ZCCHC2: variants seen among roughly 807,000 people sequenced by gnomAD.
The protein encoded by ZCCHC2 is zinc finger CCHC domain-containing protein 2.
Under a neutral mutation model 103.6 loss-of-function variants are expected in ZCCHC2, and 39 were observed. The ratio of observed to expected loss-of-function variants is 0.38; its 90% confidence interval spans 0.29 to 0.49. The LOEUF (loss-of-function observed/expected upper bound fraction) is 0.49. Among genes scored for constraint, ZCCHC2 ranks in the 20% least tolerant of loss-of-function variants. The probability of loss-of-function intolerance (pLI) is 0.96; values close to 1 mark genes in which losing one functional copy is unlikely to be tolerated. For missense variants in ZCCHC2, 1,483 were observed against 1,491.0 expected (o/e 0.99, Z 0.09); for synonymous variants, 687 against 608.9 (o/e 1.13, Z -1.89).
intron 4 of ZCCHC2, among the ~76,000 whole-genome samples, chr18:62,547,237 A>C (rs1472668563): frequency 7.2e-5 from 11 of 151,936 alleles, no homozygotes. Context: ...GAGGCAGAGA[A>C]TCACTTGAAC....
At chr18:62,540,854 C>T (rs540974812) in intron 2 of ZCCHC2, among the ~76,000 whole-genome samples, 5 of 152,148 alleles carry the variant, frequency 3.3e-5, no homozygotes, top group Non-Finnish European at 5.9e-5. Context: ...CATTCCTCAT[C>T]ACATACTCCT....
Position 62,534,619 on chromosome 18 carries a change from T to G in ZCCHC2, c.940-5062T>G, listed in dbSNP as rs373729234. On this transcript the variant is annotated intron_variant, in intron 1 of 13. Coordinates refer to ENST00000269499, the MANE Select transcript of ZCCHC2 (RefSeq NM_017742.6). ...GCTCTATAACATAAATGTTGGGGAA[T>G]TTTTATGTTTCTTGTTAGAAATGTC... is the stretch of plus-strand genomic sequence containing the variant. Among the ~76,000 whole-genome samples the G allele has an allele frequency of 1.7e-4, 26 of 152,338 alleles. 1 individual carries two copies. In the South Asian group the frequency reaches 5.4e-3, roughly 32 times the overall value.
chr18:62,524,560 C>T, intron 1 of ZCCHC2, 197 bp downstream of exon 1: 1 of 796,950 alleles, frequency 1.3e-6, no homozygotes. Context: ...CACCCCACCC[C>T]ACACCCCGGC....
At position 62,575,291 on chromosome 18, in the gene ZCCHC2, A is replaced by G. The variant is rs781634305; in HGVS notation, c.3210A>G (p.Gln1070=). 1.9e-5 allele frequency: 31 copies of G among 1,613,910 alleles called. No individual in the cohort carries two copies. Among genetic ancestry groups the G allele is most frequent in the Non-Finnish European group, 2.5e-5 (30 of 1,179,862 alleles). Residue 1070 remains glutamine (Q), a synonymous_variant, in exon 13 of 14, where the codon CAA becomes CAG. Transcript: ENST00000269499. ...LNQAHQSNGN[Q]LPFFLPQTPY... is the part of the protein sequence containing the mutation. ...AAGCACATCAGAGCAATGGAAACCA[A>G]CTTCCTTTTTTTCTGCCTCAGACTC...
chr18:62,523,375 G>GGCGGGGC lies in ZCCHC2; in HGVS notation c.-48_-47insGGGGCGC. On this transcript the variant is annotated 5_prime_UTR_variant, in exon 1 of 14. Transcript: ENST00000269499. The stretch of plus-strand genomic sequence containing the variant: ...CGCCTCGGCCCGTGCTCCACCTCGC[G>GGCGGGGC]GCCCCTCCCGCCCGCCCCCGCTCGC... 1 of 1,009,538 alleles carries GGCGGGGC rather than the reference G, an allele frequency of 9.9e-7. No homozygotes were observed. The highest frequency in any genetic ancestry group is 1.2e-6 in the Non-Finnish European group (1 of 847,970). 62.5% of individuals were successfully genotyped at this position (1,009,538 alleles called of 1,614,324 possible).
At chr18:62,583,778 T>C (rs911429947) in intron 14 of ZCCHC2, among the ~76,000 whole-genome samples, 2 of 151,880 alleles carry the variant, frequency 1.3e-5, no homozygotes, top group African/African-American at 4.8e-5. Context: ...CCTGGAAACG[T>C]AGTCACGACA....
intron 1 of ZCCHC2, chr18:62,525,317 TGAG>T (rs929007008): frequency 7.4e-6 from 1 of 135,900 alleles, no homozygotes; most frequent in African/African-American, 3.0e-5. Context: ...AGTGAGTCTT[TGAG>T]GAGGACTTTT....
chr18:62,524,569 G>A, intron 1 of ZCCHC2: 2 of 686,516 alleles, frequency 2.9e-6, no homozygotes, highest in South Asian at 5.1e-5. Context: ...CCACACCCCG[G>A]CAGACACAGC....
chr18:62,541,357 T>TC (rs34140965), intron 2 of ZCCHC2, among the ~76,000 whole-genome samples: 1 of 152,210 alleles, frequency 6.6e-6, no homozygotes, highest in South Asian at 2.1e-4. Context: ...AAGTGTCTTT[T>TC]CCCCTGTGTA....
Position 62,523,437 on chromosome 18 carries a change from A to G in ZCCHC2, c.13A>G (p.Lys5Glu). ...GCCCTAGCCGAGGATGCTGAGGATG[A>G]AGCTGCCGCTGAAGCCAACGCACCC... Reference protein sequence around the residue: MLRMKLPLKPTHPAE... With the variant: MLRMELPLKPTHPAE... The change falls in exon 1 of 14, where the codon AAG becomes GAG. Residue 5 changes from lysine to glutamate, a missense_variant. Transcript: ENST00000269499. 1.8e-6 allele frequency: 2 copies of G among 1,085,046 alleles called. No individual in the cohort carries two copies. The highest frequency in any genetic ancestry group is 2.3e-6 in the Non-Finnish European group (2 of 885,146). The allele number at this position is 1,085,046 out of a possible 1,614,324, so 67.2% of individuals were successfully genotyped here. A position where few individuals can be genotyped will look rare whatever the true frequency, so the allele number is the denominator to read the frequency against.
Position 62,523,797 on chromosome 18 carries a change from C to A in ZCCHC2, c.373C>A (p.Leu125Met), listed in dbSNP as rs1243702741. 2 of 1,542,096 alleles carry A rather than the reference C, an allele frequency of 1.3e-6. No individual in the cohort carries two copies. The highest frequency in any genetic ancestry group is 8.7e-7 in the Non-Finnish European group (1 of 1,146,174). The part of the protein sequence containing the change: ...MCGLLDLCNP[L>M]ELRFLGSCLE... The stretch of plus-strand genomic sequence containing the variant: ...CGGGCTGCTGGACCTGTGCAACCCG[C>A]TGGAGCTGCGCTTCCTTGGCTCGTG... Residue 125 changes from leucine (L) to methionine (M), a missense_variant, in exon 1 of 14, where the codon CTG becomes ATG. Physicochemically the swap from Leu to Met is conservative, Grantham distance 15. This residue lies in a region of ZCCHC2 where 568 missense variants were observed against 525.1 expected (regional missense o/e 1.08). Transcript: ENST00000269499.
At chr18:62,547,873 T>A (rs1915488401) in intron 4 of ZCCHC2, among the ~76,000 whole-genome samples, 1 of 152,130 alleles carries the variant, frequency 6.6e-6, no homozygotes, top group Admixed American at 6.5e-5. Context: ...CCCCTGTTTT[T>A]TTCTTCTTAG....
chr18:62,573,692 A>C (rs764582902), intron 12 of ZCCHC2, among the ~76,000 whole-genome samples: 1 of 152,218 alleles, frequency 6.6e-6, no homozygotes, highest in Non-Finnish European at 1.5e-5. Context: ...TTGGGTTGGC[A>C]GTGCAGAATA....
Position 62,556,291 on chromosome 18 carries a change from A to T in ZCCHC2, c.1402A>T (p.Ser468Cys). ...GTCCATATCATCAGACTCCCTACAC[A>T]GTATCAGTAAGCATCCTCTGTCCCT... ...FQSISSDSLH[S>C]INNLQSSLKT... The change falls in exon 6 of 14, where the codon AGT becomes TGT. Residue 468 changes from serine (S) to cysteine (C), a missense_variant. Ser to Cys is a moderately radical substitution (Grantham distance 112, BLOSUM62 -1). This residue lies in a region of ZCCHC2 where 884 missense variants were observed against 907.5 expected (regional missense o/e 0.97). Coordinates refer to ENST00000269499, the MANE Select transcript of ZCCHC2 (RefSeq NM_017742.6). 6.3e-7 allele frequency: 1 copy of T among 1,593,478 alleles called. No individual in the cohort carries two copies. Among genetic ancestry groups the T allele is most frequent in the Non-Finnish European group, 8.6e-7 (1 of 1,168,912 alleles).
chr18:62,559,654 A>G (rs1916034389), intron 7 of ZCCHC2, among the ~76,000 whole-genome samples: 1 of 152,242 alleles, frequency 6.6e-6, no homozygotes, highest in Admixed American at 6.5e-5. Context: ...GCAAAAGGGG[A>G]CATGGGCCCG....
chr18:62,571,642 T>C (rs1916602777), intron 12 of ZCCHC2, among the ~76,000 whole-genome samples: 3 of 152,238 alleles, frequency 2.0e-5, no homozygotes, highest in Admixed American at 2.0e-4. Flanking sequence ...AGGATGTCAT[T>C]CTTTATGCAT....
intron 13 of ZCCHC2, among the ~76,000 whole-genome samples, chr18:62,575,862 A>T (rs145758989): frequency 6.6e-6 from 1 of 151,508 alleles, no homozygotes; most frequent in Non-Finnish European, 1.5e-5. Context: ...TTTTTTTTTT[A>T]AGCTACAATC....
intron 1 of ZCCHC2, among the ~76,000 whole-genome samples, chr18:62,536,291 G>A (rs561503889): frequency 4.6e-5 from 7 of 152,340 alleles, no homozygotes; most frequent in African/African-American, 1.7e-4. Flanking sequence ...TAAGAAAGGA[G>A]AATGCACTCC....
intron 8 of ZCCHC2, among the ~76,000 whole-genome samples, chr18:62,562,614 A>G (rs1170305216): frequency 6.6e-6 from 1 of 151,734 alleles, no homozygotes; most frequent in Admixed American, 6.6e-5. Flanking sequence ...GCTGGGGCCT[A>G]TTTCTCTTGT....
Sources: allele counts gnomAD v4.1 joint callset (sites outside exome capture counted in the v4.1 genomes callset), GRCh38; gene constraint gnomAD v4.1.1; regional missense constraint gnomAD v4.1.1; transcripts MANE v1.5; gene names NCBI Gene and HGNC (gene_info 2026-07-23, HGNC 2026-07-21).